The following DMTF1 variants were observed in gnomAD, a reference collection of about 807,000 sequenced individuals.
DMTF1 encodes the protein cyclin-D-binding Myb-like transcription factor 1.
Under a neutral mutation model 91.1 loss-of-function variants are expected in DMTF1, and 39 were observed. The ratio of observed to expected loss-of-function variants is 0.43; its 90% CI spans 0.33 to 0.56. DMTF1 has a LOEUF of 0.56. DMTF1 is among the 20% of genes least tolerant of loss of function. The pLI, the probability that DMTF1 is intolerant of heterozygous loss-of-function variation, is 0.05. For synonymous variants in DMTF1, 338 were observed against 309.5 expected (o/e 1.09, Z -0.97); for missense variants, 750 against 914.5 (o/e 0.82, Z 2.32).
intron 1 of DMTF1, among the ~76,000 whole-genome samples, chr7:87,156,244 A>G (rs1198370811): frequency 1.3e-5 from 2 of 152,178 alleles, no homozygotes; most frequent in Admixed American, 6.5e-5. Context: ...TTTATTGTCA[A>G]ACCAGATATG....
At chr7:87,179,762 G>A in intron 8 of DMTF1, 60 bp downstream of exon 8, 1 of 1,463,926 alleles carries the variant, frequency 6.8e-7, no homozygotes, top group South Asian at 1.4e-5. Context: ...TTGAGGAACT[G>A]TCCATTTTTT....
Position 87,191,622 on chromosome 7 carries a change from C to T in DMTF1, c.1494+595C>T, listed in dbSNP as rs1273780757. On this transcript the variant is annotated intron_variant, in intron 14 of 17. Transcript: ENST00000331242. ...ATTACTCAGCAATGAAATACTGAAA[C>T]ATGGTACAACATTGATGAACCTTGA... Among the ~76,000 whole-genome samples, 6 of 152,090 alleles carry T rather than the reference C, an allele frequency of 3.9e-5. No individual in the cohort carries two copies. In the East Asian group the frequency reaches 9.6e-4, roughly 24 times the overall value.
At chr7:87,190,642 A>G in intron 13 of DMTF1, among the ~76,000 whole-genome samples, 1 of 152,104 alleles carries the variant, frequency 6.6e-6, no homozygotes, top group East Asian at 1.9e-4. Context: ...GTAGTGCTAA[A>G]GTAACCACAG....
chr7:87,170,971 G>A (rs912472622), intron 4 of DMTF1, 24 bp from the exon 5 acceptor site: 24 of 1,477,810 alleles, frequency 1.6e-5, no homozygotes, highest in Non-Finnish European at 2.2e-5. Flanking sequence ...TTATTCTGGA[G>A]ATGAACGGTT....
At chr7:87,162,470 C>G (rs1355289109) in intron 1 of DMTF1, among the ~76,000 whole-genome samples, 1 of 152,158 alleles carries the variant, frequency 6.6e-6, no homozygotes, top group Non-Finnish European at 1.5e-5. Flanking sequence ...GCACAATACA[C>G]TATAATCACA....
At chr7:87,154,169 A>T (rs1004943618) in intron 1 of DMTF1, 6 of 152,352 alleles carry the variant, frequency 3.9e-5, no homozygotes, top group South Asian at 2.1e-4. Context: ...AACGTTACAA[A>T]AATTGTCATG....
chr7:87,153,198 G>A (rs1053419228), intron 1 of DMTF1, among the ~76,000 whole-genome samples: 1 of 152,010 alleles, frequency 6.6e-6, no homozygotes, highest in African/African-American at 2.4e-5. Context: ...ATAGAGAATC[G>A]GGATAGCTGG....
chr7:87,177,260 A>C (rs1190488304), intron 7 of DMTF1, among the ~76,000 whole-genome samples: 1 of 152,162 alleles, frequency 6.6e-6, no homozygotes. Flanking sequence ...CAAATGTGCA[A>C]GTTACCCATT....
rs111999372 is a variant in DMTF1, at chr7:87,179,923, C to T, written c.677+221C>T. Among the ~76,000 whole-genome samples the T allele has an allele frequency of 2.6e-3, 392 of 152,162 alleles. 1 individual carries two copies. Among genetic ancestry groups the T allele is most frequent in the African/African-American group, 9.0e-3 (375 of 41,512 alleles). On this transcript the variant is annotated intron_variant, in intron 8 of 17. Coordinates refer to ENST00000331242, the MANE Select transcript of DMTF1 (RefSeq NM_001142327.2). ...TATATAGGTTAGATTTAAGACTTGG[C>T]TTACTTAATATGTCAAAGTCTGCTT... is the stretch of plus-strand genomic sequence containing the variant.
intron 14 of DMTF1, 175 bp from the exon 15 acceptor site, chr7:87,193,023 C>G: frequency 1.6e-6 from 1 of 623,312 alleles, no homozygotes; most frequent in Non-Finnish European, 2.8e-6. Context: ...AAAGAGCAGC[C>G]TCTTAAACCT....
rs1404015730 is a variant in DMTF1, at chr7:87,185,053, G to A, written c.1049+428G>A. 2.6e-5 allele frequency: 9 copies of A among 343,366 alleles called. No individual in the cohort carries two copies. The East Asian group carries it at 6.7e-4, about 26-fold the overall frequency. The allele number at this position is 343,366 out of a possible 1,614,324, so 21.3% of individuals were successfully genotyped here. On this transcript the variant is annotated intron_variant, in intron 11 of 17. Coordinates refer to ENST00000331242, the MANE Select transcript of DMTF1 (RefSeq NM_001142327.2). ...GATTGCCAAGAAGGGGGCCCAGTCT[G>A]TAGTTACCTCCACACCTCCAAAGTA... is the stretch of plus-strand genomic sequence containing the variant.
chr7:87,164,225 T>C (rs1432878680), intron 2 of DMTF1: 45 of 152,174 alleles, frequency 3.0e-4, no homozygotes, highest in Admixed American at 2.9e-3. Context: ...AGGCTATTGA[T>C]TATAGTTTCA....
At chr7:87,190,829 C>A in intron 13 of DMTF1, 116 bp from the exon 14 acceptor site, 3 of 752,112 alleles carry the variant, frequency 4.0e-6, no homozygotes, top group East Asian at 3.0e-5. Context: ...GGTCTCCAGG[C>A]AAATTATTCA....
intron 7 of DMTF1, among the ~76,000 whole-genome samples, chr7:87,174,999 CTTTGTTTTGT>C (rs545263368): frequency 9.3e-5 from 14 of 150,070 alleles, no homozygotes; most frequent in Non-Finnish European, 2.1e-4. Flanking sequence ...AGGTATGCAT[CTTTGTTTTGT>C]TTTGTTTTGT....
At chr7:87,168,219 C>T (rs1380728292) in intron 4 of DMTF1, among the ~76,000 whole-genome samples, 1 of 152,186 alleles carries the variant, frequency 6.6e-6, no homozygotes, top group Non-Finnish European at 1.5e-5. Flanking sequence ...TAACTCACCA[C>T]TTCTTTTTGT....
chr7:87,161,862 A>G (rs548202332), intron 1 of DMTF1, among the ~76,000 whole-genome samples: 26 of 152,232 alleles, frequency 1.7e-4, no homozygotes, highest in African/African-American at 5.8e-4. Context: ...TTGCATCTCA[A>G]TGGTTGGGAT....
chr7:87,166,613 A>T lies in DMTF1; in HGVS notation c.232+8A>T, dbSNP rs546971335. The T allele has an allele frequency of 5.7e-6, 9 of 1,579,158 alleles. No individual in the cohort carries two copies. In the East Asian group the frequency reaches 1.8e-4, roughly 32 times the overall value. On this transcript the variant is annotated splice_region_variant and intron_variant, in intron 4 of 17. Coordinates refer to ENST00000331242, the MANE Select transcript of DMTF1 (RefSeq NM_001142327.2). ...CAGTTGTTGCACTTCCACGTAAGTC[A>T]CTACGTATTAAGAGCCATAGAGTTC...
At chr7:87,194,425 C>G in intron 16 of DMTF1, 1 of 480,082 alleles carries the variant, frequency 2.1e-6, no homozygotes, top group Non-Finnish European at 3.6e-6. Context: ...CTAGGAACAT[C>G]ATCCTACACT....
At chr7:87,188,387 T>C (rs1798944191) in intron 13 of DMTF1, 86 bp downstream of exon 13, 3 of 1,399,564 alleles carry the variant, frequency 2.1e-6, no homozygotes, top group Non-Finnish European at 2.0e-6. Flanking sequence ...TTCTAGAATG[T>C]TAATAGAAAT....
Sources: allele counts gnomAD v4.1 joint callset (sites outside exome capture counted in the v4.1 genomes callset), GRCh38; gene constraint gnomAD v4.1.1; transcripts MANE v1.5; gene names NCBI Gene and HGNC (gene_info 2026-07-23, HGNC 2026-07-21).